RUNX1T1: variants seen among roughly 807,000 people sequenced by gnomAD.
The protein encoded by RUNX1T1 is protein CBFA2T1.
A neutral mutation model predicts 62.8 loss-of-function variants in RUNX1T1; 4 were observed. That is an observed-to-expected ratio of 0.06 (90% CI 0.03 to 0.15). The LOEUF is 0.15. Among genes scored for constraint, RUNX1T1 ranks in the 10% least tolerant of loss-of-function variants. The pLI is 1.00. For missense variants in RUNX1T1, 508 were observed against 754.3 expected (o/e 0.67, Z 3.82); for synonymous variants, 291 against 286.0 (o/e 1.02, Z -0.18).
intron 2 of RUNX1T1, among the ~76,000 whole-genome samples, chr8:92,074,550 C>T (rs1834147972): frequency 6.6e-6 from 1 of 152,136 alleles, no homozygotes; most frequent in Non-Finnish European, 1.5e-5. Context: ...TGTGGAAGCC[C>T]AAACTGGTGG....
chr8:92,037,495 T>C (rs1391976493), intron 1 of RUNX1T1, among the ~76,000 whole-genome samples: 4 of 152,122 alleles, frequency 2.6e-5, no homozygotes, highest in African/African-American at 9.7e-5. Flanking sequence ...CTGGCCAACA[T>C]GGCGAAACCC....
At chr8:92,021,657 G>GA (rs1824123707) in intron 1 of RUNX1T1, among the ~76,000 whole-genome samples, 2 of 152,062 alleles carry the variant, frequency 1.3e-5, no homozygotes, top group East Asian at 1.9e-4. Flanking sequence ...TCCCTCATCA[G>GA]AAAAAAATGC....
intron 1 of RUNX1T1, among the ~76,000 whole-genome samples, chr8:92,097,780 T>C: frequency 6.6e-6 from 1 of 152,252 alleles, no homozygotes; most frequent in Middle Eastern, 3.2e-3. Context: ...ACCTTGTTTG[T>C]TCATTGACTT....
chr8:92,068,181 A>G lies in RUNX1T1; in HGVS notation c.88+7784T>C, dbSNP rs527339345. Among the ~76,000 whole-genome samples the G allele has an allele frequency of 7.2e-5, 11 of 152,332 alleles. No individual in the cohort carries two copies. In the East Asian group the frequency reaches 1.7e-3, roughly 24 times the overall value. On this transcript the variant is annotated intron_variant, in intron 2 of 11. Transcript: ENST00000265814. ...CATTTGCAATGTAAATCTGCAAATA[A>G]GTTACCATTTACAGTTTTCTCATAT...
rs762071493 is a variant in RUNX1T1, at chr8:91,960,339, T to C, written c.1637A>G (p.Asn546Ser). The C allele has an allele frequency of 1.7e-5, 28 of 1,613,474 alleles. No homozygotes were observed. The African/African-American group carries it at 2.3e-4, about 13-fold the overall frequency. The change falls in exon 11 of 11, where the codon AAC becomes AGC. Residue 546 changes from asparagine to serine, a missense_variant. Coordinates refer to ENST00000396218, the Ensembl canonical transcript of RUNX1T1. ...GTCCATCGGGCTCCCAGCCCCGCTG[T>C]TGGGCGTGACAGAGGAGCTGACTGC...
chr8:92,052,877 A>C (rs998449145), intron 1 of RUNX1T1, among the ~76,000 whole-genome samples: 2 of 152,230 alleles, frequency 1.3e-5, no homozygotes, highest in Non-Finnish European at 2.9e-5. Context: ...AGAGTCTTTA[A>C]TCTGTTTAGA....
Position 91,970,585 on chromosome 8 carries a change from C to A in RUNX1T1, c.1458+73G>T, listed in dbSNP as rs532178377. On this transcript the variant is annotated intron_variant, in intron 10 of 10. Coordinates refer to ENST00000396218, the Ensembl canonical transcript of RUNX1T1. ...TCCAAATATTTATCTAAAGTGATCA[C>A]CTTGAATGAAGAATGAGCACTCTAA... 31 of 1,315,586 alleles carry A rather than the reference C, an allele frequency of 2.4e-5. No individual in the cohort carries two copies. In the African/African-American group the frequency reaches 4.6e-4, roughly 20 times the overall value. 81.5% of individuals were successfully genotyped at this position (1,315,586 alleles called of 1,614,324 possible).
At chr8:91,983,661 A>C (rs995585662) in intron 8 of RUNX1T1, among the ~76,000 whole-genome samples, 1 of 152,328 alleles carries the variant, frequency 6.6e-6, no homozygotes, top group Non-Finnish European at 1.5e-5. Context: ...GCACTCCATT[A>C]AACACTTCCC....
At chr8:92,021,290 C>G (rs77031844) in intron 1 of RUNX1T1, among the ~76,000 whole-genome samples, 4 of 152,126 alleles carry the variant, frequency 2.6e-5, no homozygotes, top group South Asian at 2.1e-4. Context: ...TTTTATTTCA[C>G]TGGAAAAGAT....
intron 8 of RUNX1T1, among the ~76,000 whole-genome samples, chr8:91,985,877 A>G (rs1683337356): frequency 6.6e-6 from 1 of 152,206 alleles, no homozygotes; most frequent in South Asian, 2.1e-4. Flanking sequence ...AATCTGGTTC[A>G]GTGCTGAAAC....
At position 92,062,529 on chromosome 8, in the gene RUNX1T1, G is replaced by A. The variant is rs1258604811; in HGVS notation, c.7+17C>T. On this transcript the variant is annotated intron_variant, in intron 1 of 10. Transcript: ENST00000396218. ...TCATTGGAAAAACAGAGAGAACACAGAACAGGGCTAACTCACCAGGCATCC... is the reference window on the plus strand; with the variant it reads ...TCATTGGAAAAACAGAGAGAACACAAAACAGGGCTAACTCACCAGGCATCC... The A allele has an allele frequency of 2.5e-6, 4 of 1,613,272 alleles. No individual in the cohort carries two copies. In the South Asian group the frequency reaches 4.4e-5, roughly 18 times the overall value.
chr8:92,044,449 C>T (rs2130215244), intron 1 of RUNX1T1, among the ~76,000 whole-genome samples: 1 of 152,128 alleles, frequency 6.6e-6, no homozygotes, highest in African/African-American at 2.4e-5. Context: ...TGAAGAAGAC[C>T]AAGAGGGTAT....
At chr8:91,967,168 C>T (rs1046718623) in intron 10 of RUNX1T1, among the ~76,000 whole-genome samples, 5 of 152,160 alleles carry the variant, frequency 3.3e-5, no homozygotes, top group African/African-American at 1.2e-4. Context: ...CACTTCATAC[C>T]ATGCCTGGTT....
At chr8:92,012,443 G>A (rs189593620) in intron 3 of RUNX1T1, among the ~76,000 whole-genome samples, 2 of 152,220 alleles carry the variant, frequency 1.3e-5, no homozygotes, top group East Asian at 3.9e-4. Context: ...AGGGAGGATT[G>A]CTTATGCTTG....
chr8:92,050,160 A>G (rs889080060), intron 1 of RUNX1T1, among the ~76,000 whole-genome samples: 1 of 152,194 alleles, frequency 6.6e-6, no homozygotes. Context: ...ACTGAAATAC[A>G]TTTTTGTTAA....
chr8:91,977,556 A>C (rs1056995360), intron 8 of RUNX1T1: 29 of 188,810 alleles, frequency 1.5e-4, no homozygotes, highest in African/African-American at 6.5e-4. Context: ...GAAGAAATAA[A>C]GTGCAATCAA....
At chr8:92,029,259 G>A (rs1825803011) in intron 1 of RUNX1T1, among the ~76,000 whole-genome samples, 1 of 152,152 alleles carries the variant, frequency 6.6e-6, no homozygotes, top group Non-Finnish European at 1.5e-5. Flanking sequence ...ATTTTAGGCA[G>A]CCAAATGAGA....
At chr8:92,043,177 C>T (rs1828767955) in intron 1 of RUNX1T1, among the ~76,000 whole-genome samples, 1 of 152,120 alleles carries the variant, frequency 6.6e-6, no homozygotes, top group African/African-American at 2.4e-5. Flanking sequence ...TTGCTAGTGA[C>T]TATATAGCAT....
chr8:92,044,557 A>T (rs1017693310), intron 1 of RUNX1T1, among the ~76,000 whole-genome samples: 8 of 152,230 alleles, frequency 5.3e-5, no homozygotes, highest in African/African-American at 1.9e-4. Flanking sequence ...CTCATGTTCC[A>T]TTGCGGGACT....
Sources: gnomAD v4.1 joint callset for allele counts (sites outside exome capture counted in the v4.1 genomes callset) on GRCh38, gnomAD v4.1.1 for gene constraint, MANE v1.5 for transcripts, NCBI Gene and HGNC (gene_info 2026-07-23, HGNC 2026-07-21) for gene names.